The following ADGRE3 variants were observed in gnomAD, a reference collection of about 807,000 sequenced individuals.
ADGRE3 encodes the protein adhesion G protein-coupled receptor E3.
In ADGRE3, 88 loss-of-function variants were observed where a neutral mutation model predicts 80.1. The ratio of observed to expected loss-of-function variants is 1.10; its 90% CI spans 0.93 to 1.31. The LOEUF (loss-of-function observed/expected upper bound fraction) is 1.31. Ranked by LOEUF, ADGRE3 falls within the 40% of genes most tolerant of loss-of-function variation. The pLI, the probability that ADGRE3 is intolerant of heterozygous loss-of-function variation, is 0.00. For synonymous variants in ADGRE3, 281 were observed against 294.8 expected (o/e 0.95, Z 0.48); for missense variants, 715 against 776.5 (o/e 0.92, Z 0.94).
chr19:14,615,965 A>G (rs964217835), downstream of ADGRE3, among the ~76,000 whole-genome samples: 2 of 127,100 alleles, frequency 1.6e-5, no homozygotes, highest in East Asian at 4.3e-4. Context: ...TCTCTGCCTT[A>G]CTTTTTTTTT....
chr19:14,617,377 C>CTTTCTTTCTTTCTTTCTTG (rs1491527496), downstream of ADGRE3, among the ~76,000 whole-genome samples: 1 of 86,306 alleles, frequency 1.2e-5, no homozygotes, highest in Non-Finnish European at 2.2e-5. Context: ...TTTCTTTCTT[C>CTTTCTTTCTTTCTTTCTTG]CTTTCTTTCT....
At chr19:14,651,002 G>A (rs1396328893) in intron 7 of ADGRE3, 83 bp downstream of exon 7, 5 of 1,435,774 alleles carry the variant, frequency 3.5e-6, no homozygotes, top group East Asian at 4.6e-5. Flanking sequence ...CATGAGGGGA[G>A]AGCCCAGTGG....
At chr19:14,628,341 T>C (rs993284878) in intron 14 of ADGRE3, among the ~76,000 whole-genome samples, 1 of 140,402 alleles carries the variant, frequency 7.1e-6, no homozygotes, top group African/African-American at 2.7e-5. Flanking sequence ...ACTCGGGAGG[T>C]GGAGGCCGAA....
intron 11 of ADGRE3, among the ~76,000 whole-genome samples, chr19:14,634,193 A>T (rs1033473567): frequency 4.6e-5 from 7 of 152,288 alleles, no homozygotes; most frequent in African/African-American, 1.4e-4. Flanking sequence ...ATTTTATGAA[A>T]ATTTTAACAA....
In ADGRE3 at chr19:14,670,606, C is replaced by A. The variant is rs8112777; in HGVS notation, c.26-1754G>T. Among the ~76,000 whole-genome samples, 1,157 of 152,214 alleles carry A rather than the reference C, an allele frequency of 7.6e-3. 14 individuals are homozygous for A. Among genetic ancestry groups the A allele is most frequent in the African/African-American group, 0.027 (1,120 of 41,530 alleles). ...CTCTTCCCCATGCCTTTCCAACATC[C>A]GATGATGTCATCAGTCATGTTCCTG... On this transcript the variant is annotated intron_variant, in intron 1 of 15. Transcript: ENST00000253673.
intron 13 of ADGRE3, 48 bp from the exon 14 acceptor site, chr19:14,630,255 G>A (rs1439630053): frequency 1.3e-6 from 2 of 1,496,724 alleles, no homozygotes; most frequent in Non-Finnish European, 1.8e-6. Flanking sequence ...CTAATAATGA[G>A]CATGAACACC....
chr19:14,652,229 A>G (rs1374771209), intron 6 of ADGRE3, among the ~76,000 whole-genome samples: 1 of 152,182 alleles, frequency 6.6e-6, no homozygotes, highest in African/African-American at 2.4e-5. Context: ...CACAGTATAT[A>G]TGTATATCAA....
chr19:14,616,855 C>T (rs544745142), downstream of ADGRE3, among the ~76,000 whole-genome samples: 4 of 147,628 alleles, frequency 2.7e-5, no homozygotes, highest in Non-Finnish European at 4.5e-5. Context: ...AGTGCAGTGG[C>T]GCAATCTCGG....
At chr19:14,604,373 T>C in the ADGRE3 span, among the ~76,000 whole-genome samples, 1 of 152,178 alleles carries the variant, frequency 6.6e-6, no homozygotes, top group Non-Finnish European at 1.5e-5. Context: ...CACATTTTTT[T>C]TTCCATCAAA....
chr19:14,668,488 A>G (rs1238996029), intron 2 of ADGRE3: 2 of 436,740 alleles, frequency 4.6e-6, no homozygotes, highest in Non-Finnish European at 8.1e-6. Context: ...AATGATTAGC[A>G]TTCCTTTGTC....
Position 14,632,993 on chromosome 19 carries a change from A to G in ADGRE3, c.1571T>C (p.Ile524Thr). Residue 524 changes from isoleucine to threonine, a missense_variant, in exon 13 of 16, where the codon ATC becomes ACC. Coordinates refer to ENST00000253673, the MANE Select transcript of ADGRE3 (RefSeq NM_032571.5). ...TCTTTTCAAAATCCAAAAGACCAAG[A>G]TAAACAATACTAAATTCGCCTGCAG... Reference protein sequence around the residue: ...AIFSANLVLFILVFWILKRKL... With the variant: ...AIFSANLVLFTLVFWILKRKL... 1.2e-6 allele frequency: 2 copies of G among 1,613,848 alleles called. No homozygotes were observed. The highest frequency in any genetic ancestry group is 1.7e-6 in the Non-Finnish European group (2 of 1,179,744).
chr19:14,638,447 A>G (rs951422506), intron 10 of ADGRE3, 107 bp from the exon 11 acceptor site: 4 of 744,608 alleles, frequency 5.4e-6, no homozygotes, highest in Admixed American at 5.3e-5. Flanking sequence ...CATCAGACCA[A>G]GGGCACTAAA....
At chr19:14,644,301 C>A in intron 8 of ADGRE3, 26 bp from the exon 9 acceptor site, 1 of 1,423,268 alleles carries the variant, frequency 7.0e-7, no homozygotes, top group Non-Finnish European at 9.4e-7. Context: ...AGAAAGGGCT[C>A]ATTGTCTTTG....
At chr19:14,630,921 C>T (rs974721956) in intron 13 of ADGRE3, among the ~76,000 whole-genome samples, 18 of 151,318 alleles carry the variant, frequency 1.2e-4, no homozygotes, top group African/African-American at 3.9e-4. Flanking sequence ...GACGGAGTCT[C>T]GCTCTGTGGC....
At chr19:14,649,324 A>G (rs1328775654) in intron 7 of ADGRE3, among the ~76,000 whole-genome samples, 1 of 86,866 alleles carries the variant, frequency 1.2e-5, no homozygotes, top group Admixed American at 1.4e-4. Flanking sequence ...CTCGCTTTTG[A>G]TCTCCCTCTG....
At chr19:14,636,534 C>A (rs73506148) in intron 11 of ADGRE3, among the ~76,000 whole-genome samples, 15,866 of 151,878 alleles carry the variant, frequency 0.1, 1,040 homozygotes, top group African/African-American at 0.18. Flanking sequence ...ATTATTTATT[C>A]ATCTTGATGG....
Position 14,638,347 on chromosome 19 carries a change from G to A in ADGRE3, c.1249-7C>T, listed in dbSNP as rs371826869. 9.9e-6 allele frequency: 16 copies of A among 1,610,630 alleles called. No homozygotes were observed. The highest frequency in any genetic ancestry group is 1.3e-5 in the African/African-American group (1 of 74,838). On this transcript the variant is annotated splice_polypyrimidine_tract_variant and splice_region_variant and intron_variant, in intron 10 of 15. Transcript: ENST00000253673. ...CGATGATGGAGCACAGCACCTGGGGGAGGAGAAAGGGATGCCTGAAGGGGT... is the reference window on the plus strand; with the variant it reads ...CGATGATGGAGCACAGCACCTGGGGAAGGAGAAAGGGATGCCTGAAGGGGT...
intron 14 of ADGRE3, among the ~76,000 whole-genome samples, chr19:14,627,903 C>T: frequency 6.6e-6 from 1 of 151,734 alleles, no homozygotes; most frequent in East Asian, 2.0e-4. Flanking sequence ...CTGAGGCAGG[C>T]AGATCACCTG....
downstream of ADGRE3, among the ~76,000 whole-genome samples, chr19:14,617,377 C>T (rs9305045): frequency 0.43 from 35,922 of 83,622 alleles, 8,692 homozygotes; most frequent in African/African-American, 0.47. Flanking sequence ...TTTCTTTCTT[C>T]CTTTCTTTCT....
Sources: gnomAD v4.1 joint callset for allele counts (sites outside exome capture counted in the v4.1 genomes callset) on GRCh38, gnomAD v4.1.1 for gene constraint, MANE v1.5 for transcripts, NCBI Gene and HGNC (gene_info 2026-07-23, HGNC 2026-07-21) for gene names.